Variants in KIAA1328 observed in about 807,000 individuals in gnomAD.
The protein encoded by KIAA1328 is KIAA1328.
In KIAA1328, 52 loss-of-function variants were observed where a neutral mutation model predicts 68.1. That is an observed-to-expected ratio of 0.76 (90% CI 0.61 to 0.96). The LOEUF is 0.96. Among genes scored for constraint, KIAA1328 ranks in the 40% least tolerant of loss-of-function variants. The pLI is 0.00. For missense variants in KIAA1328, 641 were observed against 677.6 expected (o/e 0.95, Z 0.60); for synonymous variants, 232 against 239.4 (o/e 0.97, Z 0.28).
At chr18:37,036,297 C>T (rs2055025811) in intron 6 of KIAA1328, among the ~76,000 whole-genome samples, 2 of 152,190 alleles carry the variant, frequency 1.3e-5, no homozygotes, top group Non-Finnish European at 2.9e-5. Context: ...GACCTTCTCT[C>T]TGTAAGAGAA....
intron 5 of KIAA1328, among the ~76,000 whole-genome samples, chr18:36,898,581 CAG>C (rs2048936949): frequency 6.6e-6 from 1 of 151,854 alleles, no homozygotes; most frequent in African/African-American, 2.4e-5. Flanking sequence ...GCCAAAGTGA[CAG>C]TATTCAAAAA....
chr18:37,212,868 G>A (rs1020329836), intron 9 of KIAA1328, among the ~76,000 whole-genome samples: 8 of 152,008 alleles, frequency 5.3e-5, no homozygotes, highest in African/African-American at 1.9e-4. Context: ...CTACAGGCAC[G>A]AGCCCCCACA....
At chr18:36,837,337 A>G (rs895350149) in intron 3 of KIAA1328, among the ~76,000 whole-genome samples, 2 of 152,126 alleles carry the variant, frequency 1.3e-5, no homozygotes, top group Non-Finnish European at 2.9e-5. Context: ...CATTTCCTTA[A>G]TGACTAAATG....
intron 4 of KIAA1328, among the ~76,000 whole-genome samples, chr18:36,853,662 TTTATTTTTA>T (rs1222927500): frequency 6.6e-6 from 1 of 152,060 alleles, no homozygotes; most frequent in Non-Finnish European, 1.5e-5. Flanking sequence ...TTTTATTTTT[TTTATTTTTA>T]TTTTTTTGAC....
intron 5 of KIAA1328, among the ~76,000 whole-genome samples, chr18:36,944,039 AATTCAAC>A (rs1415968548): frequency 2.6e-5 from 4 of 152,210 alleles, no homozygotes; most frequent in South Asian, 2.1e-4. Context: ...TAAGTGTAAA[AATTCAAC>A]ATTATGATTT....
At chr18:37,015,036 G>A (rs2054104582) in intron 6 of KIAA1328, among the ~76,000 whole-genome samples, 1 of 152,174 alleles carries the variant, frequency 6.6e-6, no homozygotes, top group Non-Finnish European at 1.5e-5. Context: ...CTGAGTAGCA[G>A]GGATTACAGG....
intron 9 of KIAA1328, among the ~76,000 whole-genome samples, chr18:37,201,504 C>T (rs552424599): frequency 3.6e-4 from 54 of 151,838 alleles, no homozygotes; most frequent in African/African-American, 1.2e-3. Flanking sequence ...CCTTTTTTAC[C>T]AAAGAGAAGT....
chr18:37,077,858 G>T (rs895884417), intron 7 of KIAA1328, among the ~76,000 whole-genome samples: 1 of 151,790 alleles, frequency 6.6e-6, no homozygotes, highest in Non-Finnish European at 1.5e-5. Flanking sequence ...AACATTCCAT[G>T]CTCATGGGTA....
intron 7 of KIAA1328, among the ~76,000 whole-genome samples, chr18:37,106,137 A>T (rs1220645229): frequency 1.3e-5 from 2 of 151,998 alleles, no homozygotes; most frequent in African/African-American, 2.4e-5. Flanking sequence ...GCAGCTGGTG[A>T]ATGGATAAAT....
chr18:36,853,099 C>A (rs1011296642), intron 4 of KIAA1328, among the ~76,000 whole-genome samples: 1 of 152,068 alleles, frequency 6.6e-6, no homozygotes, highest in African/African-American at 2.4e-5. Flanking sequence ...GCAAACTAAA[C>A]TGTTTTTTGG....
intron 5 of KIAA1328, among the ~76,000 whole-genome samples, chr18:36,945,155 C>T (rs896668257): frequency 1.3e-5 from 2 of 152,094 alleles, no homozygotes; most frequent in African/African-American, 4.8e-5. Flanking sequence ...AACCTAGCCC[C>T]TTGATTTTAG....
At position 37,012,252 on chromosome 18, in the gene KIAA1328, A is replaced by T. The variant is rs2054004162; in HGVS notation, c.576+52817A>T. On this transcript the variant is annotated intron_variant, in intron 6 of 9. Coordinates refer to ENST00000280020, the MANE Select transcript of KIAA1328 (RefSeq NM_020776.3). ...TTGCCACTTTCACAACTGTTTCTGA[A>T]CACCCAGGAAACTAGAGAATAGACT... 3.3e-5 allele frequency among the ~76,000 whole-genome samples: 5 copies of T among 152,280 alleles called. No homozygotes were observed. In the South Asian group the frequency reaches 1.0e-3, roughly 32 times the overall value.
At chr18:36,833,109 T>C (rs900397508) in intron 1 of KIAA1328, 1 of 152,262 alleles carries the variant, frequency 6.6e-6, no homozygotes, top group Non-Finnish European at 1.5e-5. Context: ...CCCAAAGTGC[T>C]GGGATTACAG....
intron 7 of KIAA1328, among the ~76,000 whole-genome samples, chr18:37,090,961 G>A (rs1238220722): frequency 1.3e-5 from 2 of 151,954 alleles, no homozygotes; most frequent in South Asian, 2.1e-4. Context: ...CTCAATTGAA[G>A]GTATAATAAG....
In KIAA1328 at chr18:37,224,696, C is replaced by T. The variant is rs976592755; in HGVS notation, c.*2469C>T. 6.1e-6 allele frequency: 6 copies of T among 985,432 alleles called. No homozygotes were observed. The African/African-American group carries it at 8.7e-5, about 14-fold the overall frequency. 61.0% of individuals were successfully genotyped at this position (985,432 alleles called of 1,614,324 possible). A position where few individuals can be genotyped will look rare whatever the true frequency, so the allele number is the denominator to read the frequency against. ...AAAGGATCTGGCACAAAGGAATCTG[C>T]CTTTCCTCCGTCTCAAGTCTCCCAC... On this transcript the variant is annotated 3_prime_UTR_variant, in exon 10 of 10. Coordinates refer to ENST00000280020, the MANE Select transcript of KIAA1328 (RefSeq NM_020776.3).
At chr18:36,963,257 G>C (rs961673887) in intron 6 of KIAA1328, among the ~76,000 whole-genome samples, 1 of 152,078 alleles carries the variant, frequency 6.6e-6, no homozygotes, top group African/African-American at 2.4e-5. Context: ...TGCTTTTCAG[G>C]GGGTAAGAGA....
At chr18:37,199,172 T>A (rs2060060334) in intron 9 of KIAA1328, among the ~76,000 whole-genome samples, 1 of 152,202 alleles carries the variant, frequency 6.6e-6, no homozygotes, top group South Asian at 2.1e-4. Flanking sequence ...CATGGGGGTT[T>A]ATTGTACAGA....
intron 9 of KIAA1328, among the ~76,000 whole-genome samples, chr18:37,204,089 C>T (rs993275130): frequency 5.9e-5 from 9 of 152,134 alleles, no homozygotes; most frequent in African/African-American, 1.4e-4. Flanking sequence ...GGATTACAGG[C>T]GTGAGCCACC....
At chr18:36,832,324 C>T (rs912481516) in intron 1 of KIAA1328, among the ~76,000 whole-genome samples, 3 of 152,100 alleles carry the variant, frequency 2.0e-5, no homozygotes, top group African/African-American at 4.8e-5. Flanking sequence ...CGGTGGCTCA[C>T]ACCTGTAATC....
Sources: allele counts gnomAD v4.1 joint callset (sites outside exome capture counted in the v4.1 genomes callset), GRCh38; gene constraint gnomAD v4.1.1; transcripts MANE v1.5; gene names NCBI Gene and HGNC (gene_info 2026-07-23, HGNC 2026-07-21).